The following PCDH15 variants were observed in gnomAD, a reference collection of about 807,000 sequenced individuals.
PCDH15 encodes the protein protocadherin related 15.
In PCDH15, 129 loss-of-function variants were observed where a neutral mutation model predicts 178.5. The observed-to-expected ratio is 0.72, with a 90% CI of 0.63 to 0.84. The LOEUF is 0.84. Among genes scored for constraint, PCDH15 ranks in the 40% least tolerant of loss-of-function variants. The pLI is 0.00. For missense variants in PCDH15, 2,230 were observed against 2,099.9 expected, an observed-to-expected ratio of 1.06 and a Z score of -1.21; for synonymous variants, 800 against 732.0, an observed-to-expected ratio of 1.09 and a Z score of -1.50.
intron 23 of PCDH15, among the ~76,000 whole-genome samples, chr10:53,952,292 G>A (rs1319689609): frequency 1.3e-5 from 2 of 152,168 alleles, no homozygotes; most frequent in African/African-American, 2.4e-5. Flanking sequence ...TGAAGGGTGA[G>A]CAAGGCAAAG....
intron 2 of PCDH15, among the ~76,000 whole-genome samples, chr10:55,341,780 TATATATATATATATATATATA>T (rs1565031761): frequency 2.0e-4 from 2 of 10,056 alleles, no homozygotes; most frequent in Admixed American, 8.9e-4. Flanking sequence ...TATATATATA[TATATATATATATATATATATA>T]TATATTTTTT....
At chr10:54,687,496 C>T (rs2095034761) in intron 1 of PCDH15, among the ~76,000 whole-genome samples, 1 of 152,032 alleles carries the variant, frequency 6.6e-6, no homozygotes, top group Non-Finnish European at 1.5e-5. Context: ...TTGACCAAAA[C>T]TTTATTTGGA....
At chr10:55,388,347 C>T (rs1027355864) in intron 2 of PCDH15, among the ~76,000 whole-genome samples, 1 of 151,902 alleles carries the variant, frequency 6.6e-6, no homozygotes, top group African/African-American at 2.4e-5. Flanking sequence ...GGCTGGTTGA[C>T]CTTCATTTCT....
chr10:54,042,579 G>A lies in PCDH15; in HGVS notation c.2221-19382C>T, dbSNP rs73235731. 7.0e-3 allele frequency among the ~76,000 whole-genome samples: 1,071 copies of A among 152,122 alleles called. 15 individuals are homozygous for A. Among genetic ancestry groups the A allele is most frequent in the African/African-American group, 0.022 (916 of 41,518 alleles). The stretch of plus-strand genomic sequence containing the variant: ...CAACAAGTACAAAATCCATTTGAAG[G>A]TTTGGTAAGCGTAGCTGTGTTCAAG... On this transcript the variant is annotated intron_variant, in intron 18 of 37. Coordinates refer to ENST00000644397, the MANE Select transcript of PCDH15 (RefSeq NM_001384140.1).
At chr10:55,266,874 C>T (rs1842312388) in intron 1 of PCDH15, among the ~76,000 whole-genome samples, 2 of 152,202 alleles carry the variant, frequency 1.3e-5, no homozygotes, top group South Asian at 4.1e-4. Flanking sequence ...ATGACTAACA[C>T]AAGCCGCCTA....
chr10:54,538,323 T>C (rs1565539760), intron 2 of PCDH15, among the ~76,000 whole-genome samples: 1 of 152,146 alleles, frequency 6.6e-6, no homozygotes, highest in Admixed American at 6.5e-5. Context: ...TTTAATTCTG[T>C]ATGTGGCTAG....
intron 2 of PCDH15, among the ~76,000 whole-genome samples, chr10:54,614,954 A>T (rs557888558): frequency 2.0e-5 from 3 of 152,206 alleles, no homozygotes; most frequent in Admixed American, 2.0e-4. Context: ...AGATATGCTA[A>T]GTACTCAGTA....
At chr10:55,527,672 T>C (rs2132059264) in intron 2 of PCDH15, among the ~76,000 whole-genome samples, 1 of 152,092 alleles carries the variant, frequency 6.6e-6, no homozygotes, top group South Asian at 2.1e-4. Flanking sequence ...ATATCAAATT[T>C]AATATTAAAT....
intron 2 of PCDH15, among the ~76,000 whole-genome samples, chr10:55,017,069 G>T (rs1840199544): frequency 6.6e-6 from 1 of 152,004 alleles, no homozygotes. Flanking sequence ...ATCACAAAGA[G>T]AAAAAAGGGA....
intron 1 of PCDH15, among the ~76,000 whole-genome samples, chr10:55,168,160 C>A (rs1242842416): frequency 3.3e-5 from 5 of 152,064 alleles, no homozygotes; most frequent in Non-Finnish European, 5.9e-5. Flanking sequence ...TAAAACATAG[C>A]AGCAAATCCT....
chr10:53,945,879 A>ATATC (rs1554876197), intron 23 of PCDH15, among the ~76,000 whole-genome samples: 17 of 98,868 alleles, frequency 1.7e-4, no homozygotes, highest in African/African-American at 3.1e-4. Context: ...ATATATATAT[A>ATATC]TATCACATTT....
Position 55,196,992 on chromosome 10 carries a change from T to C in PCDH15, c.-155-30341A>G, listed in dbSNP as rs144223937. ...ATAATCCTATTGTATATCTTTGTAT[T>C]TGAAACTGTAATCCTTTTGTCACCA... On this transcript the variant is annotated intron_variant, in intron 1 of 5. Coordinates refer to the PCDH15 transcript ENST00000458638. Among the ~76,000 whole-genome samples the C allele has an allele frequency of 7.4e-3, 1,122 of 152,124 alleles. 43 individuals are homozygous for C. The highest frequency in any genetic ancestry group is 0.067 in the Admixed American group (1,023 of 15,290).
At chr10:54,707,727 A>G (rs370944519) in intron 1 of PCDH15, among the ~76,000 whole-genome samples, 6 of 152,220 alleles carry the variant, frequency 3.9e-5, no homozygotes, top group African/African-American at 9.6e-5. Context: ...ATTTCATTTC[A>G]ACAAACACAC....
At chr10:53,931,790 T>A (rs1299822131) in intron 25 of PCDH15, among the ~76,000 whole-genome samples, 4 of 152,214 alleles carry the variant, frequency 2.6e-5, no homozygotes, top group Non-Finnish European at 5.9e-5. Flanking sequence ...AATATATGAA[T>A]CTAATACTCC....
intron 1 of PCDH15, among the ~76,000 whole-genome samples, chr10:54,680,920 A>C (rs1158820517): frequency 6.6e-6 from 1 of 152,168 alleles, no homozygotes; most frequent in Non-Finnish European, 1.5e-5. Context: ...TAGGGAGAAG[A>C]TTGCTAGGGT....
intron 2 of PCDH15, among the ~76,000 whole-genome samples, chr10:55,382,908 A>T (rs944747820): frequency 1.3e-5 from 2 of 152,220 alleles, no homozygotes; most frequent in African/African-American, 4.8e-5. Context: ...CTCCAGGCCC[A>T]CAGCAGCATC....
chr10:54,163,446 T>A (rs1282418886), intron 13 of PCDH15, among the ~76,000 whole-genome samples: 1 of 151,898 alleles, frequency 6.6e-6, no homozygotes, highest in Non-Finnish European at 1.5e-5. Context: ...CCATATACTT[T>A]TAAACCATCA....
At chr10:55,430,971 C>T (rs1463785210) in intron 2 of PCDH15, among the ~76,000 whole-genome samples, 3 of 152,110 alleles carry the variant, frequency 2.0e-5, no homozygotes, top group Non-Finnish European at 2.9e-5. Context: ...CTAATTTCTA[C>T]CTCAGGATTA....
intron 3 of PCDH15, among the ~76,000 whole-genome samples, chr10:54,415,181 G>A (rs747853814): frequency 8.6e-5 from 13 of 151,902 alleles, no homozygotes; most frequent in African/African-American, 1.2e-4. Context: ...TTTAAATTGT[G>A]GTAATATGTT....
Sources: gnomAD v4.1 joint callset for allele counts (sites outside exome capture counted in the v4.1 genomes callset) on GRCh38, gnomAD v4.1.1 for gene constraint, MANE v1.5 for transcripts, NCBI Gene and HGNC (gene_info 2026-07-23, HGNC 2026-07-21) for gene names.